RNASE11: variants seen among roughly 807,000 people sequenced by gnomAD.
The protein encoded by RNASE11 is putative inactive ribonuclease 11.
For missense variants in RNASE11, 252 were observed against 237.8 expected, an observed-to-expected ratio of 1.06 and a Z score of -0.39; for synonymous variants, 105 against 86.1, an observed-to-expected ratio of 1.22 and a Z score of -1.21.
At chr14:20,587,232 G>A (rs77404634) in intron 1 of RNASE11, among the ~76,000 whole-genome samples, 2,166 of 152,170 alleles carry the variant, frequency 0.014, 49 homozygotes, top group African/African-American at 0.05. Flanking sequence ...CCCAAACTAC[G>A]AATGTCTAAA....
At chr14:20,586,261 T>A (rs1474912876) in intron 1 of RNASE11, among the ~76,000 whole-genome samples, 1 of 152,168 alleles carries the variant, frequency 6.6e-6, no homozygotes, top group Non-Finnish European at 1.5e-5. Context: ...CCACTTAGCT[T>A]CTTTCTTGAA....
intron 1 of RNASE11, among the ~76,000 whole-genome samples, chr14:20,586,930 AC>A (rs1300214087): frequency 2.6e-5 from 4 of 152,328 alleles, no homozygotes; most frequent in African/African-American, 9.6e-5. Context: ...CGGGAGGATC[AC>A]TTGAGGCCAG....
upstream of RNASE11, chr14:20,588,156 A>C (rs1172747438): frequency 6.6e-6 from 1 of 152,192 alleles, no homozygotes; most frequent in Admixed American, 6.5e-5. Context: ...TGTACTACTT[A>C]AGAAATAGAA....
exon 2 of RNASE11, chr14:20,583,731 T>A: frequency 1.3e-6 from 1 of 784,034 alleles, no homozygotes; most frequent in East Asian, 2.7e-5. Flanking sequence ...TCCACAATTT[T>A]GGATTTTTCA....
exon 2 of RNASE11, chr14:20,583,693 G>C (rs7155711): frequency 0.4 from 142,979 of 354,600 alleles, 27,155 homozygotes; most frequent in East Asian, 0.52. Context: ...CTGCACGCCA[G>C]TATCAGTCAT....
In RNASE11 at chr14:20,587,545, G is replaced by A. The variant is rs1049297648; in HGVS notation, c.-23+18C>T. 9 of 984,860 alleles carry A rather than the reference G, an allele frequency of 9.1e-6. No individual in the cohort carries two copies. Among genetic ancestry groups the A allele is most frequent in the East Asian group, 1.1e-4 (1 of 8,826 alleles). 61.0% of individuals were successfully genotyped at this position (984,860 alleles called of 1,614,324 possible). A position where few individuals can be genotyped will look rare whatever the true frequency, so the allele number is the denominator to read the frequency against. On this transcript the variant is annotated intron_variant, in intron 1 of 1. Coordinates refer to ENST00000553849, the Ensembl canonical transcript of RNASE11. The stretch of plus-strand genomic sequence containing the variant: ...ATGCTACCAAGGCCCAACAAATCAT[G>A]TGCTAGGGACCACCTACCTGTTCCT...
chr14:20,588,528 G>A (rs1884484261), upstream of RNASE11, among the ~76,000 whole-genome samples: 2 of 152,142 alleles, frequency 1.3e-5, no homozygotes, highest in Admixed American at 1.3e-4. Flanking sequence ...AAGGGAAATG[G>A]TTTCAGACCA....
chr14:20,585,146 G>C, intron 1 of RNASE11: 1 of 907,984 alleles, frequency 1.1e-6, no homozygotes, highest in Non-Finnish European at 1.3e-6. Flanking sequence ...GGAAGGAGGG[G>C]CAACAGAGGG....
In RNASE11 at chr14:20,583,780, G is replaced by A. The variant is rs45444492; in HGVS notation, c.*95C>T. 1.0e-3 allele frequency: 1,368 copies of A among 1,324,804 alleles called. 1 individual carries two copies. Among genetic ancestry groups the A allele is most frequent in the Non-Finnish European group, 1.3e-3 (1,301 of 968,240 alleles). 82.1% of individuals were successfully genotyped at this position (1,324,804 alleles called of 1,614,324 possible). Reference sequence around the variant, plus strand: ...AATAAATAATCAGGAGTTCACTATAGTGCTAAAGAGTAGATATTAAGGAAA... The same window carrying A: ...AATAAATAATCAGGAGTTCACTATAATGCTAAAGAGTAGATATTAAGGAAA... On this transcript the variant is annotated 3_prime_UTR_variant, in exon 2 of 2. Transcript: ENST00000553849.
At chr14:20,584,528 TAAG>T (rs745882377) in intron 1 of RNASE11, 32 bp from the exon 3 acceptor site, 49 of 1,499,616 alleles carry the variant, frequency 3.3e-5, no homozygotes, top group Non-Finnish European at 4.2e-5. Context: ...AAAGATAAAA[TAAG>T]AAGATTAAAG....
intron 1 of RNASE11, chr14:20,584,886 A>G (rs1594472222): frequency 5.5e-6 from 1 of 181,348 alleles, no homozygotes; most frequent in South Asian, 1.5e-4. Flanking sequence ...ACATTCCCTC[A>G]CCATTACTGT....
At chr14:20,583,031 A>G (rs911968746), downstream of RNASE11, 2 of 152,258 alleles carry the variant, frequency 1.3e-5, no homozygotes, top group African/African-American at 4.8e-5. Context: ...TACTTTAAGC[A>G]GAATGTTGAA....
In RNASE11 at chr14:20,583,817, GA is replaced by G. The variant is rs1233388677; in HGVS notation, c.*57del. On this transcript the variant is annotated 3_prime_UTR_variant, in exon 2 of 2. Coordinates refer to ENST00000553849, the Ensembl canonical transcript of RNASE11. The stretch of plus-strand genomic sequence containing the variant: ...AGATATTAAGGAAAGGTTTAAACAA[GA>G]ATGAACAAGAAGAGGTCCTTCTTTA... The G allele has an allele frequency of 6.0e-6, 9 of 1,502,844 alleles. No homozygotes were observed. The East Asian group carries it at 1.8e-4, about 30-fold the overall frequency. 93.1% of individuals were successfully genotyped at this position (1,502,844 alleles called of 1,614,324 possible). A position where few individuals can be genotyped will look rare whatever the true frequency, so the allele number is the denominator to read the frequency against.
At chr14:20,589,409 A>T (rs549509669), upstream of RNASE11, among the ~76,000 whole-genome samples, 22 of 151,274 alleles carry the variant, frequency 1.5e-4, 1 homozygote, top group South Asian at 4.6e-3. Context: ...GCCCGCCACC[A>T]CGCCCGGCTA....
At chr14:20,587,292 C>T (rs1053130927) in intron 1 of RNASE11, among the ~76,000 whole-genome samples, 8 of 152,118 alleles carry the variant, frequency 5.3e-5, no homozygotes, top group Non-Finnish European at 8.8e-5. Flanking sequence ...AATGAAATTA[C>T]TCTGAGGATA....
chr14:20,584,542 A>C, intron 1 of RNASE11, 46 bp from the exon 3 acceptor site: 2 of 1,465,802 alleles, frequency 1.4e-6, no homozygotes, highest in Non-Finnish European at 1.8e-6. Context: ...AAGATTAAAG[A>C]GGTAGTTCTT....
chr14:20,587,784 C>G (rs1884467198), upstream of RNASE11: 2 of 985,364 alleles, frequency 2.0e-6, no homozygotes, highest in Admixed American at 1.2e-4. Flanking sequence ...TCCCCCAACG[C>G]CCCCTCCTAA....
chr14:20,589,169 T>A (rs528140652), upstream of RNASE11, among the ~76,000 whole-genome samples: 74 of 152,276 alleles, frequency 4.9e-4, no homozygotes, highest in African/African-American at 1.8e-3. Context: ...GCACTACGTT[T>A]CTCACATAAC....
chr14:20,583,438 A>G (rs1424621597), downstream of RNASE11: 1 of 167,962 alleles, frequency 6.0e-6, no homozygotes, highest in Admixed American at 5.5e-5. Context: ...GTGAGCACAT[A>G]CCCTTTGAAG....
Sources: allele counts gnomAD v4.1 joint callset (sites outside exome capture counted in the v4.1 genomes callset), GRCh38; gene constraint gnomAD v4.1.1; transcripts MANE v1.5; gene names NCBI Gene and HGNC (gene_info 2026-07-23, HGNC 2026-07-21).